Variants in HNMT observed in about 807,000 individuals in gnomAD.
HNMT encodes the protein histamine N-methyltransferase.
In HNMT, 30 loss-of-function variants were observed where a neutral mutation model predicts 32.1. That is an observed-to-expected ratio of 0.93 (90% CI 0.70 to 1.27). The LOEUF is 1.27. Ranked by LOEUF, HNMT falls within the 50% of genes most tolerant of loss-of-function variation. HNMT has a pLI of 0.00. For missense variants in HNMT, 327 were observed against 346.0 expected (o/e 0.95, Z 0.43); for synonymous variants, 125 against 119.0 (o/e 1.05, Z -0.33).
At chr2:138,001,343 TG>T (rs1681164109) in intron 3 of HNMT, among the ~76,000 whole-genome samples, 1 of 152,180 alleles carries the variant, frequency 6.6e-6, no homozygotes, top group African/African-American at 2.4e-5. Flanking sequence ...TTATGTTTAG[TG>T]GGTTACAGTA....
rs577935275 is a variant in HNMT at position 138,004,980 on chromosome 2, C to T, written c.430-152C>T. 114 of 558,380 alleles carry T rather than the reference C, an allele frequency of 2.0e-4. 1 individual carries two copies. The South Asian group carries it at 2.6e-3, about 13-fold the overall frequency. The allele number at this position is 558,380 out of a possible 1,614,324, so 34.6% of individuals were successfully genotyped here. A position where few individuals can be genotyped will look rare whatever the true frequency, so the allele number is the denominator to read the frequency against. Reference sequence around the variant, plus strand: ...TTCTCACATTATTGTTCTATGTCTTCATGCAACGTCTTTAATCTTTAAATT... The same window carrying T: ...TTCTCACATTATTGTTCTATGTCTTTATGCAACGTCTTTAATCTTTAAATT... On this transcript the variant is annotated intron_variant, in intron 4 of 5. Coordinates refer to ENST00000280097, the MANE Select transcript of HNMT (RefSeq NM_006895.3).
chr2:138,014,030 C>T lies in HNMT; in HGVS notation c.779C>T (p.Ala260Val). The T allele has an allele frequency of 1.2e-6, 2 of 1,613,540 alleles. No homozygotes were observed. The highest frequency in any genetic ancestry group is 1.7e-6 in the Non-Finnish European group (2 of 1,179,686). The change falls in exon 6 of 6, where the codon GCA becomes GTA. Residue 260 changes from alanine to valine, a missense_variant. Transcript: ENST00000280097. ...FNATAPPDLR[A>V]ELGKDLQEPE... Reference sequence around the variant, plus strand: ...GCCACAGCACCACCTGATCTCAGAGCAGAGCTTGGGAAAGATCTACAAGAG... The same window carrying T: ...GCCACAGCACCACCTGATCTCAGAGTAGAGCTTGGGAAAGATCTACAAGAG...
chr2:138,014,067 T>A lies in HNMT; in HGVS notation c.816T>A (p.Ser272Arg), dbSNP rs1276287817. Residue 272 changes from serine (S) to arginine (R), a missense_variant, in exon 6 of 6, where the codon AGT becomes AGA. Coordinates refer to ENST00000280097, the MANE Select transcript of HNMT (RefSeq NM_006895.3). Reference sequence around the variant, plus strand: ...AAGATCTACAAGAGCCTGAATTTAGTGCTAAGAAAGAGGGGAAGGTTCTTT... The same window carrying A: ...AAGATCTACAAGAGCCTGAATTTAGAGCTAAGAAAGAGGGGAAGGTTCTTT... Reference protein sequence around the residue: ...LGKDLQEPEFSAKKEGKVLFN... With the variant: ...LGKDLQEPEFRAKKEGKVLFN... 1 of 1,612,006 alleles carries A rather than the reference T, an allele frequency of 6.2e-7. No individual in the cohort carries two copies.
chr2:137,981,706 A>C (rs1353714846), intron 2 of HNMT: 1 of 302,630 alleles, frequency 3.3e-6, no homozygotes, highest in Non-Finnish European at 6.2e-6. Context: ...TAATCTTTAC[A>C]ACACCTCTAA....
At position 138,015,441 on chromosome 2, in the gene HNMT, A is replaced by T. The variant is rs1681635455; in HGVS notation, c.*1311A>T. The T allele has an allele frequency of 6.6e-6, 1 of 152,068 alleles. No individual in the cohort carries two copies. The highest frequency in any genetic ancestry group is 2.1e-4 in the South Asian group (1 of 4,830). The allele number at this position is 152,068 out of a possible 1,614,324, so 9.4% of individuals were successfully genotyped here. On this transcript the variant is annotated 3_prime_UTR_variant, in exon 6 of 6. Coordinates refer to ENST00000280097, the MANE Select transcript of HNMT (RefSeq NM_006895.3). ...CCGTATAATCACTTTAAAAAGTTAAACGACCCATCTCAATCACCTAGTTTA... is the reference window on the plus strand; with the variant it reads ...CCGTATAATCACTTTAAAAAGTTAATCGACCCATCTCAATCACCTAGTTTA...
Position 138,014,959 on chromosome 2 carries a change from G to A in HNMT, c.*829G>A, listed in dbSNP as rs1053900656. The A allele has an allele frequency of 1.3e-5, 2 of 151,940 alleles. No homozygotes were observed. The highest frequency in any genetic ancestry group is 2.1e-4 in the South Asian group (1 of 4,824). The allele number at this position is 151,940 out of a possible 1,614,324, so 9.4% of individuals were successfully genotyped here. A position where few individuals can be genotyped will look rare whatever the true frequency, so the allele number is the denominator to read the frequency against. ...TTTCCCCTCAAAATAATAGCCAGATGTATAAACAAAATTTATTGAAGAACA... is the reference window on the plus strand; with the variant it reads ...TTTCCCCTCAAAATAATAGCCAGATATATAAACAAAATTTATTGAAGAACA... On this transcript the variant is annotated 3_prime_UTR_variant, in exon 6 of 6. Transcript: ENST00000280097.
chr2:138,013,686 G>C, intron 5 of HNMT, 89 bp from the exon 6 acceptor site: 1 of 897,966 alleles, frequency 1.1e-6, no homozygotes, highest in South Asian at 1.7e-5. Flanking sequence ...TTATTATTTT[G>C]TTCTATTCTA....
At chr2:138,007,383 A>C (rs1681360900) in intron 5 of HNMT, among the ~76,000 whole-genome samples, 1 of 152,004 alleles carries the variant, frequency 6.6e-6, no homozygotes. Flanking sequence ...AATACTTTGC[A>C]GTGAAAAATA....
intron 2 of HNMT, among the ~76,000 whole-genome samples, chr2:137,983,664 T>G (rs1680569098): frequency 6.6e-6 from 1 of 152,056 alleles, no homozygotes; most frequent in Non-Finnish European, 1.5e-5. Context: ...CAAAAAACAA[T>G]AAATTTGTGG....
At chr2:138,007,094 C>T (rs890753538) in intron 5 of HNMT, among the ~76,000 whole-genome samples, 15 of 152,004 alleles carry the variant, frequency 9.9e-5, no homozygotes, top group Non-Finnish European at 2.2e-4. Context: ...TAACATTTGA[C>T]AGATGATTAA....
In HNMT at chr2:138,014,399, G is replaced by T; in HGVS notation, c.*269G>T. 1 of 311,028 alleles carries T rather than the reference G, an allele frequency of 3.2e-6. No individual in the cohort carries two copies. The highest frequency in any genetic ancestry group is 5.9e-6 in the Non-Finnish European group (1 of 168,824). The allele number at this position is 311,028 out of a possible 1,614,324, so 19.3% of individuals were successfully genotyped here. On this transcript the variant is annotated 3_prime_UTR_variant, in exon 6 of 6. Transcript: ENST00000280097. ...AAAAATTAGATGACTGAATTTCTAT[G>T]GCATATTGATAATAAAATTCATTCC...
Position 138,005,301 on chromosome 2 carries a change from A to G in HNMT, c.523+76A>G, listed in dbSNP as rs1681298492. 3 of 822,884 alleles carry G rather than the reference A, an allele frequency of 3.6e-6. No individual in the cohort carries two copies. In the South Asian group the frequency reaches 4.5e-5, roughly 12 times the overall value. 51.0% of individuals were successfully genotyped at this position (822,884 alleles called of 1,614,324 possible). Reference sequence around the variant, plus strand: ...TGCATGGATTCCTGTGTTTGAAAGAAGCTTATATATTTTGTCTTCATTATG... The same window carrying G: ...TGCATGGATTCCTGTGTTTGAAAGAGGCTTATATATTTTGTCTTCATTATG... On this transcript the variant is annotated intron_variant, in intron 5 of 5. Transcript: ENST00000280097.
At chr2:137,976,095 G>A (rs1680278489) in intron 2 of HNMT, among the ~76,000 whole-genome samples, 2 of 151,734 alleles carry the variant, frequency 1.3e-5, no homozygotes, top group East Asian at 1.9e-4. Flanking sequence ...AGTGAAACCC[G>A]GCTTTTCTAA....
Position 137,977,036 on chromosome 2 carries a change from A to T in HNMT, c.190+6819A>T, listed in dbSNP as rs1319539211. 1.1e-4 allele frequency among the ~76,000 whole-genome samples: 17 copies of T among 152,254 alleles called. 1 individual carries two copies. Among genetic ancestry groups the T allele is most frequent in the Admixed American group, 1.0e-3 (16 of 15,284 alleles). On this transcript the variant is annotated intron_variant, in intron 2 of 5. Coordinates refer to ENST00000280097, the MANE Select transcript of HNMT (RefSeq NM_006895.3). Reference sequence around the variant, plus strand: ...TGAACCAAGTGAGGACAAAACTATCATTGCAGATTAAATGACTGTATACTT... The same window carrying T: ...TGAACCAAGTGAGGACAAAACTATCTTTGCAGATTAAATGACTGTATACTT...
chr2:138,001,032 G>T lies in HNMT; in HGVS notation c.298+7G>T, dbSNP rs372633256. 21 of 1,472,202 alleles carry T rather than the reference G, an allele frequency of 1.4e-5. No homozygotes were observed. Among genetic ancestry groups the T allele is most frequent in the Non-Finnish European group, 2.0e-5 (21 of 1,056,670 alleles). 91.2% of individuals were successfully genotyped at this position (1,472,202 alleles called of 1,614,324 possible). A position where few individuals can be genotyped will look rare whatever the true frequency, so the allele number is the denominator to read the frequency against. On this transcript the variant is annotated splice_region_variant and intron_variant, in intron 3 of 5. Transcript: ENST00000280097. ...CAAATTGCCAAATACAAAGGTACCT[G>T]TAACTCCTGGTCCTCTACACCAGAT... is the stretch of plus-strand genomic sequence containing the variant.
chr2:137,970,007 TA>T (rs575649405), intron 1 of HNMT, among the ~76,000 whole-genome samples, 157 bp from the exon 2 acceptor site: 187 of 152,358 alleles, frequency 1.2e-3, no homozygotes, highest in Non-Finnish European at 1.5e-3. Context: ...AAATATACTC[TA>T]AAGATGGCAA....
intron 2 of HNMT, among the ~76,000 whole-genome samples, chr2:137,999,669 T>A (rs1681100754): frequency 6.6e-6 from 1 of 152,206 alleles, no homozygotes; most frequent in African/African-American, 2.4e-5. Flanking sequence ...TGCCAGGAGG[T>A]ATTTCCATTT....
At chr2:137,971,998 A>G (rs1680149821) in intron 2 of HNMT, among the ~76,000 whole-genome samples, 1 of 152,218 alleles carries the variant, frequency 6.6e-6, no homozygotes, top group Admixed American at 6.5e-5. Context: ...GAACCTCTTA[A>G]GTATAAGTGT....
At chr2:137,985,302 T>C (rs1231144438) in intron 2 of HNMT, among the ~76,000 whole-genome samples, 2 of 152,144 alleles carry the variant, frequency 1.3e-5, no homozygotes, top group Non-Finnish European at 2.9e-5. Context: ...CCATCAACAA[T>C]GCAAGTGGAA....
Sources: allele counts gnomAD v4.1 joint callset (sites outside exome capture counted in the v4.1 genomes callset), GRCh38; gene constraint gnomAD v4.1.1; transcripts MANE v1.5; gene names NCBI Gene and HGNC (gene_info 2026-07-23, HGNC 2026-07-21).